GAP43: variants seen among roughly 807,000 people sequenced by gnomAD.
The protein encoded by GAP43 is growth associated protein 43, also known as neuromodulin.
Under a neutral mutation model 18.6 loss-of-function variants are expected in GAP43, and 6 were observed. That is an observed-to-expected ratio of 0.32 (90% CI 0.18 to 0.64). GAP43 has a LOEUF of 0.64. Among genes scored for constraint, GAP43 ranks in the 30% least tolerant of loss-of-function variants. GAP43 has a pLI of 0.78. For missense variants in GAP43, 292 were observed against 295.5 expected (o/e 0.99, Z 0.09); for synonymous variants, 115 against 111.4 (o/e 1.03, Z -0.20).
At chr3:115,701,561 G>C (rs1404140394) in intron 2 of GAP43, among the ~76,000 whole-genome samples, 2 of 151,808 alleles carry the variant, frequency 1.3e-5, no homozygotes, top group African/African-American at 2.4e-5. Flanking sequence ...CAAGACTAAG[G>C]CCTAGCCTTA....
At chr3:115,698,066 T>TTATATATAA (rs1559804117) in intron 2 of GAP43, among the ~76,000 whole-genome samples, 7 of 58,194 alleles carry the variant, frequency 1.2e-4, no homozygotes, top group African/African-American at 6.9e-4. Flanking sequence ...AAAATATATA[T>TTATATATAA]TATATATAAT....
At chr3:115,669,352 C>A (rs527761173) in intron 1 of GAP43, among the ~76,000 whole-genome samples, 1 of 152,188 alleles carries the variant, frequency 6.6e-6, no homozygotes, top group East Asian at 1.9e-4. Flanking sequence ...TTGACAAAAT[C>A]GAATCCAGAT....
At chr3:115,646,438 C>G (rs1037900125) in intron 1 of GAP43, among the ~76,000 whole-genome samples, 1 of 152,072 alleles carries the variant, frequency 6.6e-6, no homozygotes, top group Non-Finnish European at 1.5e-5. Flanking sequence ...AATAAGACCT[C>G]AAGATTATAG....
chr3:115,719,424 A>G (rs999486257), intron 2 of GAP43, among the ~76,000 whole-genome samples: 1 of 152,168 alleles, frequency 6.6e-6, no homozygotes, highest in African/African-American at 2.4e-5. Context: ...GCCTAAAATC[A>G]TAGTACAAAC....
intron 1 of GAP43, chr3:115,658,457 G>C (rs945111547): frequency 6.6e-6 from 1 of 152,124 alleles, no homozygotes; most frequent in African/African-American, 2.4e-5. Context: ...GCGTTCCCTC[G>C]GCGGCTCTGC....
chr3:115,629,731 T>C (rs1014408154), intron 1 of GAP43, among the ~76,000 whole-genome samples: 6 of 152,188 alleles, frequency 3.9e-5, no homozygotes, highest in African/African-American at 9.7e-5. Flanking sequence ...ATCTCTACCA[T>C]AATACTTGGT....
At chr3:115,677,433 G>A (rs1019728869) in intron 2 of GAP43, among the ~76,000 whole-genome samples, 2 of 152,048 alleles carry the variant, frequency 1.3e-5, no homozygotes, top group Admixed American at 1.3e-4. Context: ...AAGTTGGAGG[G>A]TTTTCACTAT....
intron 2 of GAP43, among the ~76,000 whole-genome samples, chr3:115,709,844 CAT>C (rs149885836): frequency 0.54 from 79,665 of 147,870 alleles, 21,677 homozygotes; most frequent in East Asian, 0.72. Flanking sequence ...CATGAACATA[CAT>C]ATATATATAT....
At chr3:115,640,790 G>T (rs531926563) in intron 1 of GAP43, among the ~76,000 whole-genome samples, 69 of 152,146 alleles carry the variant, frequency 4.5e-4, no homozygotes, top group African/African-American at 1.6e-3. Context: ...TGGGAGATTA[G>T]ATTAAGAAAT....
intron 2 of GAP43, among the ~76,000 whole-genome samples, chr3:115,676,936 G>A (rs1708900674): frequency 6.6e-6 from 1 of 152,162 alleles, no homozygotes; most frequent in Non-Finnish European, 1.5e-5. Context: ...TCTGTGTGCT[G>A]ATAGACTTAG....
intron 1 of GAP43, among the ~76,000 whole-genome samples, chr3:115,628,347 A>C (rs1043145140): frequency 6.6e-6 from 1 of 151,876 alleles, no homozygotes; most frequent in African/African-American, 2.4e-5. Context: ...CTTTTGCCTC[A>C]TCTATCTTAA....
intron 1 of GAP43, among the ~76,000 whole-genome samples, chr3:115,626,255 C>A (rs1007224632): frequency 6.6e-6 from 1 of 152,146 alleles, no homozygotes; most frequent in Non-Finnish European, 1.5e-5. Context: ...AGGGCAAAAA[C>A]CTGCAAAGGT....
intron 1 of GAP43, among the ~76,000 whole-genome samples, chr3:115,674,177 C>T (rs767005573): frequency 3.1e-4 from 47 of 152,100 alleles, no homozygotes; most frequent in Non-Finnish European, 5.9e-4. Context: ...GAAGAGGCGC[C>T]GAACATGTTA....
intron 1 of GAP43, among the ~76,000 whole-genome samples, chr3:115,626,155 A>G (rs1303171264): frequency 2.0e-5 from 3 of 152,198 alleles, no homozygotes; most frequent in Admixed American, 6.5e-5. Context: ...TTGTGGATGA[A>G]ATTCTGTATC....
At chr3:115,709,513 T>G (rs2107374282) in intron 2 of GAP43, among the ~76,000 whole-genome samples, 1 of 152,336 alleles carries the variant, frequency 6.6e-6, no homozygotes, top group Admixed American at 6.5e-5. Context: ...TCTTGTAAAC[T>G]TCTTTTCAGA....
intron 1 of GAP43, among the ~76,000 whole-genome samples, chr3:115,669,997 ATTT>A (rs200282076): frequency 8.1e-6 from 1 of 123,510 alleles, no homozygotes; most frequent in Non-Finnish European, 1.7e-5. Context: ...TTTTTTTTTA[ATTT>A]TTTTTTTTAT....
At chr3:115,645,153 CTTTA>C (rs572346262) in intron 1 of GAP43, among the ~76,000 whole-genome samples, 78 of 151,948 alleles carry the variant, frequency 5.1e-4, no homozygotes, top group Non-Finnish European at 9.4e-4. Context: ...ATTAGGAAAT[CTTTA>C]TTTAGTCCCA....
chr3:115,655,563 T>C (rs920262562), intron 1 of GAP43, among the ~76,000 whole-genome samples: 1 of 152,176 alleles, frequency 6.6e-6, no homozygotes, highest in African/African-American at 2.4e-5. Context: ...TGTCAAATAG[T>C]ATGTACAGAA....
At chr3:115,704,683 C>T (rs1456809662) in intron 2 of GAP43, among the ~76,000 whole-genome samples, 1 of 151,956 alleles carries the variant, frequency 6.6e-6, no homozygotes, top group Admixed American at 6.6e-5. Flanking sequence ...TAATACAGTA[C>T]ATTTAGGACT....
Sources: gnomAD v4.1 joint callset for allele counts (sites outside exome capture counted in the v4.1 genomes callset) on GRCh38, gnomAD v4.1.1 for gene constraint, MANE v1.5 for transcripts, NCBI Gene and HGNC (gene_info 2026-07-23, HGNC 2026-07-21) for gene names.